The following COG5 variants were observed in gnomAD, a reference collection of about 807,000 sequenced individuals.
COG5 encodes component of oligomeric golgi complex 5, also known as conserved oligomeric Golgi complex subunit 5.
In COG5, 86 loss-of-function variants were observed where a neutral mutation model predicts 110.4. That is an observed-to-expected ratio of 0.78 (90% CI 0.65 to 0.93). COG5 has a LOEUF of 0.93. Ranked by LOEUF, COG5 falls within the 40% of genes least tolerant of loss-of-function variation. The pLI, the probability that COG5 is intolerant of heterozygous loss-of-function variation, is 0.00. For missense variants in COG5, 1,077 were observed against 987.0 expected (o/e 1.09, Z -1.22); for synonymous variants, 360 against 334.6 (o/e 1.08, Z -0.83).
At chr7:107,235,885 A>T (rs1017492602) in intron 18 of COG5, among the ~76,000 whole-genome samples, 15 of 152,134 alleles carry the variant, frequency 9.9e-5, no homozygotes, top group African/African-American at 3.6e-4. Context: ...TGCTATTTTA[A>T]TGTCATTCTA....
chr7:107,369,537 C>T (rs1813937471), intron 8 of COG5, among the ~76,000 whole-genome samples: 1 of 151,996 alleles, frequency 6.6e-6, no homozygotes, highest in African/African-American at 2.4e-5. Context: ...CAGGCATGCG[C>T]CACCACGCCC....
chr7:107,522,320 T>G (rs2129152708), intron 6 of COG5, among the ~76,000 whole-genome samples: 1 of 152,124 alleles, frequency 6.6e-6, no homozygotes, highest in Non-Finnish European at 1.5e-5. Context: ...AATACAAAAT[T>G]AGCCAGGCGT....
rs776986539 is a variant in COG5 at position 107,372,754 on chromosome 7, T to C, written c.676A>G (p.Thr226Ala). The change falls in exon 8 of 22, where the codon ACT becomes GCT. Residue 226 changes from threonine (T) to alanine (A), a missense_variant. Transcript: ENST00000297135. ...ACCTGAAGAGCTGTTCCGACTTGAG[T>C]TGGATTCTTAAAAAAAGGTGGGGTG... ...LEQGLETQNP[T>A]QVGTALQVFY... 6.2e-7 allele frequency: 1 copy of C among 1,613,434 alleles called. No homozygotes were observed. The highest frequency in any genetic ancestry group is 8.5e-7 in the Non-Finnish European group (1 of 1,179,714).
intron 11 of COG5, among the ~76,000 whole-genome samples, chr7:107,300,280 A>G (rs1400242616): frequency 1.3e-5 from 2 of 152,122 alleles, no homozygotes; most frequent in Non-Finnish European, 2.9e-5. Context: ...CAAGACAACA[A>G]TGTTAGTTTT....
chr7:107,287,366 G>A (rs775563307), intron 12 of COG5, among the ~76,000 whole-genome samples: 21 of 152,152 alleles, frequency 1.4e-4, no homozygotes, highest in Non-Finnish European at 2.4e-4. Context: ...GATAGTTCTT[G>A]TTATCAGGCA....
chr7:107,305,312 G>A (rs1280456589), intron 11 of COG5, among the ~76,000 whole-genome samples: 1 of 152,158 alleles, frequency 6.6e-6, no homozygotes, highest in African/African-American at 2.4e-5. Context: ...TTTGTGAGCA[G>A]GCTGCTACCC....
intron 14 of COG5, among the ~76,000 whole-genome samples, chr7:107,267,769 G>A (rs1014349717): frequency 5.9e-5 from 9 of 152,030 alleles, no homozygotes; most frequent in Non-Finnish European, 1.0e-4. Context: ...AATAACTGGG[G>A]TAAGGGCCGG....
intron 12 of COG5, among the ~76,000 whole-genome samples, chr7:107,289,733 A>C (rs995785703): frequency 2.0e-5 from 3 of 152,114 alleles, no homozygotes. Flanking sequence ...GTTATTCCTA[A>C]ATATTTTATC....
chr7:107,290,449 A>G (rs1212887161), intron 12 of COG5, among the ~76,000 whole-genome samples: 2 of 152,206 alleles, frequency 1.3e-5, no homozygotes, highest in African/African-American at 4.8e-5. Context: ...ATTATTTTAT[A>G]TAATTGCTTT....
chr7:107,279,601 G>A (rs1362664801), intron 14 of COG5, among the ~76,000 whole-genome samples: 1 of 151,948 alleles, frequency 6.6e-6, no homozygotes, highest in African/African-American at 2.4e-5. Flanking sequence ...TAAATGCCAA[G>A]AAACAAACAT....
At chr7:107,346,659 C>T (rs565231395) in intron 10 of COG5, among the ~76,000 whole-genome samples, 1 of 152,098 alleles carries the variant, frequency 6.6e-6, no homozygotes, top group Non-Finnish European at 1.5e-5. Context: ...TGTCTGCTCA[C>T]TGCAGGTTTT....
At chr7:107,277,676 T>C (rs1415016882) in intron 14 of COG5, among the ~76,000 whole-genome samples, 1 of 152,210 alleles carries the variant, frequency 6.6e-6, no homozygotes, top group Non-Finnish European at 1.5e-5. Flanking sequence ...TATATATAAA[T>C]GGCTTGGCAC....
chr7:107,425,732 A>G (rs1793601646), intron 6 of COG5, among the ~76,000 whole-genome samples: 1 of 152,206 alleles, frequency 6.6e-6, no homozygotes, highest in African/African-American at 2.4e-5. Context: ...CTGGGGTGAT[A>G]ATACAATAAG....
At chr7:107,207,336 A>G (rs1798857769) in intron 21 of COG5, among the ~76,000 whole-genome samples, 1 of 152,156 alleles carries the variant, frequency 6.6e-6, no homozygotes, top group Non-Finnish European at 1.5e-5. Flanking sequence ...AGAAGTACAG[A>G]GGAGCTGAGG....
At chr7:107,527,489 C>A (rs893486560) in intron 5 of COG5, 132 bp from the exon 6 acceptor site, 2 of 904,608 alleles carry the variant, frequency 2.2e-6, no homozygotes, top group East Asian at 2.7e-5. Flanking sequence ...ATGTAACAAA[C>A]CTGCACATGT....
intron 6 of COG5, among the ~76,000 whole-genome samples, chr7:107,429,709 G>C (rs1204622590): frequency 1.3e-5 from 2 of 152,084 alleles, no homozygotes; most frequent in Non-Finnish European, 2.9e-5. Flanking sequence ...TCCAATTATG[G>C]GGACGGGTCT....
intron 6 of COG5, among the ~76,000 whole-genome samples, chr7:107,459,485 T>C (rs755271944): frequency 1.3e-5 from 2 of 151,440 alleles, no homozygotes; most frequent in Admixed American, 1.3e-4. Context: ...AAAAAAAAAA[T>C]TATCTTTATT....
At chr7:107,355,091 T>C (rs1395646071) in intron 10 of COG5, among the ~76,000 whole-genome samples, 1 of 152,240 alleles carries the variant, frequency 6.6e-6, no homozygotes, top group Non-Finnish European at 1.5e-5. Context: ...TATTAAATAA[T>C]GAGCGTAGCA....
intron 6 of COG5, among the ~76,000 whole-genome samples, chr7:107,446,075 C>CA (rs1435016305): frequency 6.6e-6 from 1 of 152,176 alleles, no homozygotes; most frequent in African/African-American, 2.4e-5. Context: ...GCCATATTCA[C>CA]ATGATATGAC....
Sources: allele counts gnomAD v4.1 joint callset (sites outside exome capture counted in the v4.1 genomes callset), GRCh38; gene constraint gnomAD v4.1.1; transcripts MANE v1.5; gene names NCBI Gene and HGNC (gene_info 2026-07-23, HGNC 2026-07-21).